NDST4: variants seen among roughly 807,000 people sequenced by gnomAD.
NDST4 encodes N-deacetylase and N-sulfotransferase 4.
NDST4 carries 63 observed loss-of-function variants against 100.8 expected under a neutral mutation model. The observed-to-expected ratio is 0.62, with a 90% CI of 0.51 to 0.77. The LOEUF (loss-of-function observed/expected upper bound fraction) is 0.77. NDST4 is among the 30% of genes least tolerant of loss of function. The pLI, the probability that NDST4 is intolerant of heterozygous loss-of-function variation, is 0.00. For missense variants in NDST4, 943 were observed against 1,018.4 expected, an observed-to-expected ratio of 0.93 and a Z score of 1.01; for synonymous variants, 377 against 361.8, an observed-to-expected ratio of 1.04 and a Z score of -0.48.
intron 4 of NDST4, among the ~76,000 whole-genome samples, chr4:114,952,074 G>A (rs1052711559): frequency 6.6e-6 from 1 of 152,084 alleles, no homozygotes; most frequent in African/African-American, 2.4e-5. Flanking sequence ...AGTTCTTATA[G>A]TTAATCTCAG....
At chr4:114,976,418 A>G (rs895884582) in intron 3 of NDST4, among the ~76,000 whole-genome samples, 15 of 152,000 alleles carry the variant, frequency 9.9e-5, no homozygotes, top group African/African-American at 3.6e-4. Context: ...AATCAATTTT[A>G]TTAGCATAGC....
chr4:114,882,383 A>G (rs1243241365), intron 6 of NDST4, among the ~76,000 whole-genome samples: 1 of 152,076 alleles, frequency 6.6e-6, no homozygotes, highest in Admixed American at 6.6e-5. Flanking sequence ...GGTAGAAAAC[A>G]TCACTGCTAT....
At chr4:114,881,208 G>A (rs1724359897) in intron 6 of NDST4, among the ~76,000 whole-genome samples, 1 of 151,988 alleles carries the variant, frequency 6.6e-6, no homozygotes, top group Non-Finnish European at 1.5e-5. Context: ...CTGGAGGTGG[G>A]GAGTCATTTA....
intron 6 of NDST4, among the ~76,000 whole-genome samples, chr4:114,902,422 C>A (rs1724863480): frequency 6.6e-6 from 1 of 150,478 alleles, no homozygotes; most frequent in African/African-American, 2.5e-5. Context: ...TCCTTGCTTG[C>A]ATGTTTTCTG....
At chr4:114,990,751 C>T (rs116022302) in intron 2 of NDST4, among the ~76,000 whole-genome samples, 2,276 of 152,150 alleles carry the variant, frequency 0.015, 66 homozygotes, top group African/African-American at 0.052. Context: ...TCTGTGGTAA[C>T]ATTTCATGGC....
At chr4:115,110,627 C>A (rs760686360) in intron 1 of NDST4, among the ~76,000 whole-genome samples, 3 of 151,870 alleles carry the variant, frequency 2.0e-5, no homozygotes, top group Non-Finnish European at 4.4e-5. Flanking sequence ...ATCTCTCTGC[C>A]TCTCCAAGAT....
chr4:114,872,282 T>C (rs1724165056), intron 6 of NDST4, among the ~76,000 whole-genome samples: 1 of 151,986 alleles, frequency 6.6e-6, no homozygotes, highest in African/African-American at 2.4e-5. Context: ...GAAAATCTGC[T>C]CTGGCAAGCC....
intron 1 of NDST4, among the ~76,000 whole-genome samples, chr4:115,085,203 T>C (rs1729386624): frequency 6.6e-6 from 1 of 152,172 alleles, no homozygotes; most frequent in Admixed American, 6.5e-5. Context: ...GCCTCTATGT[T>C]TTGGTCAAAG....
At chr4:114,858,093 T>C (rs1200307050) in intron 7 of NDST4, among the ~76,000 whole-genome samples, 1 of 152,142 alleles carries the variant, frequency 6.6e-6, no homozygotes, top group African/African-American at 2.4e-5. Context: ...GTGAAAGCCA[T>C]GCATGGACCT....
At chr4:115,057,237 G>A (rs570340196) in intron 2 of NDST4, among the ~76,000 whole-genome samples, 16 of 152,236 alleles carry the variant, frequency 1.1e-4, no homozygotes, top group African/African-American at 3.4e-4. Context: ...TGGAAAGGAA[G>A]AGAAGATAGC....
At chr4:114,970,260 T>C (rs911699527) in intron 4 of NDST4, among the ~76,000 whole-genome samples, 170 bp downstream of exon 4, 6 of 152,202 alleles carry the variant, frequency 3.9e-5, no homozygotes, top group Admixed American at 1.3e-4. Flanking sequence ...TATACACACA[T>C]GCCTGAAACA....
At chr4:114,945,681 C>T (rs973818894) in intron 4 of NDST4, among the ~76,000 whole-genome samples, 1 of 152,182 alleles carries the variant, frequency 6.6e-6, no homozygotes, top group Non-Finnish European at 1.5e-5. Context: ...AAATGCACAA[C>T]TTCTAGGGAG....
chr4:114,917,397 A>C (rs951132501), intron 6 of NDST4, among the ~76,000 whole-genome samples: 2 of 152,160 alleles, frequency 1.3e-5, no homozygotes, highest in African/African-American at 4.8e-5. Flanking sequence ...ATTGCTGCTA[A>C]AATTCCTATC....
intron 3 of NDST4, among the ~76,000 whole-genome samples, chr4:114,972,751 A>G (rs545430983): frequency 1.3e-5 from 2 of 152,120 alleles, no homozygotes; most frequent in African/African-American, 2.4e-5. Flanking sequence ...AAATGCTTCC[A>G]TTCATTTTAA....
chr4:114,928,320 TA>T (rs1725425810), intron 6 of NDST4, among the ~76,000 whole-genome samples: 1 of 152,160 alleles, frequency 6.6e-6, no homozygotes, highest in South Asian at 2.1e-4. Flanking sequence ...ACCTTAAACT[TA>T]AAATAGTAAC....
chr4:114,968,583 A>G (rs1052483658), intron 4 of NDST4, among the ~76,000 whole-genome samples: 5 of 152,198 alleles, frequency 3.3e-5, no homozygotes, highest in Admixed American at 3.3e-4. Flanking sequence ...CCGCCATTGC[A>G]ATGTGAAAGC....
At chr4:114,929,810 T>C (rs991418850) in intron 6 of NDST4, among the ~76,000 whole-genome samples, 1 of 150,354 alleles carries the variant, frequency 6.7e-6, no homozygotes, top group African/African-American at 2.4e-5. Flanking sequence ...ATGAGGGGTA[T>C]TGGGTTCAAA....
chr4:115,109,132 A>G (rs1395812965), intron 1 of NDST4, among the ~76,000 whole-genome samples: 1 of 151,738 alleles, frequency 6.6e-6, no homozygotes, highest in Non-Finnish European at 1.5e-5. Context: ...ATAGAAAAAG[A>G]GAGGAAGGGA....
intron 2 of NDST4, among the ~76,000 whole-genome samples, chr4:115,007,159 A>T (rs1447322677): frequency 6.6e-6 from 1 of 152,160 alleles, no homozygotes; most frequent in Non-Finnish European, 1.5e-5. Flanking sequence ...TGCTAATAAC[A>T]CTACATGTAA....
Sources: gnomAD v4.1 joint callset for allele counts (sites outside exome capture counted in the v4.1 genomes callset) on GRCh38, gnomAD v4.1.1 for gene constraint, MANE v1.5 for transcripts, NCBI Gene and HGNC (gene_info 2026-07-23, HGNC 2026-07-21) for gene names.